POGK: variants seen among roughly 807,000 people sequenced by gnomAD.
POGK encodes pogo transposable element derived with KRAB domain, also known as pogo transposable element with KRAB domain.
In POGK, 16 loss-of-function variants were observed where a neutral mutation model predicts 54.4. The observed-to-expected ratio is 0.29, with a 90% CI of 0.20 to 0.45. The LOEUF (loss-of-function observed/expected upper bound fraction) is 0.45. POGK is among the 20% of genes least tolerant of loss of function. POGK has a pLI of 1.00. For synonymous variants in POGK, 271 were observed against 302.2 expected, an observed-to-expected ratio of 0.90 and a Z score of 1.07; for missense variants, 515 against 795.6, an observed-to-expected ratio of 0.65 and a Z score of 4.24.
Position 166,854,775 on chromosome 1 carries a change from G to C in POGK, c.*2205G>C, listed in dbSNP as rs1452380458. Reference sequence around the variant, plus strand: ...CCATAAAGGGATCTGAATTTTAAATGAAAGTATGATGAACCCGCAAGTCTT... The same window carrying C: ...CCATAAAGGGATCTGAATTTTAAATCAAAGTATGATGAACCCGCAAGTCTT... On this transcript the variant is annotated 3_prime_UTR_variant, in exon 6 of 6. Transcript: ENST00000367876. 4 of 152,208 alleles carry C rather than the reference G, an allele frequency of 2.6e-5. No individual in the cohort carries two copies. Among genetic ancestry groups the C allele is most frequent in the African/African-American group, 4.8e-5 (2 of 41,456 alleles). 9.4% of individuals were successfully genotyped at this position (152,208 alleles called of 1,614,324 possible). A position where few individuals can be genotyped will look rare whatever the true frequency, so the allele number is the denominator to read the frequency against.
chr1:166,850,770 G>A (rs890885907), intron 5 of POGK: 12 of 175,882 alleles, frequency 6.8e-5, no homozygotes, highest in Non-Finnish European at 8.3e-5. Flanking sequence ...GATCTGAGGC[G>A]GAACAGTTTC....
rs1557900013 is a variant in POGK at position 166,847,520 on chromosome 1, A to T, written c.286A>T (p.Ile96Phe). The change falls in exon 4 of 6, where the codon ATC (isoleucine) becomes TTC (phenylalanine). Residue 96 changes from isoleucine (I) to phenylalanine (F), a missense_variant. This residue lies in a region of POGK where 461 missense variants were observed against 743.5 expected (regional missense o/e 0.62). Transcript: ENST00000367876. ...LEFPFPKPDMITRLEGEEESQ... is the reference protein window; with the variant it reads ...LEFPFPKPDMFTRLEGEEESQ... ...ATTCCCATTCCCTAAGCCAGACATGATCACCCGTTTGGAAGGGGAGGAGGA... is the reference window on the plus strand; with the variant it reads ...ATTCCCATTCCCTAAGCCAGACATGTTCACCCGTTTGGAAGGGGAGGAGGA... 6.2e-7 allele frequency: 1 copy of T among 1,613,960 alleles called. No homozygotes were observed. Among genetic ancestry groups the T allele is most frequent in the Non-Finnish European group, 8.5e-7 (1 of 1,179,904 alleles).
intron 1 of POGK, chr1:166,840,488 T>A (rs1657447646): frequency 2.0e-5 from 3 of 153,486 alleles, no homozygotes. Context: ...CATGCTTAAC[T>A]GGCTTCTAGC....
In POGK at chr1:166,850,386, G is replaced by A. The variant is rs771857893; in HGVS notation, c.1807G>A (p.Glu603Lys). ...GGEPPKDCDT[E>K]SMAESN Reference sequence around the variant, plus strand: ...AGAACCACCAAAAGATTGTGACACCGAAAGCATGGCTGAGAGCAACTGAAG... The same window carrying A: ...AGAACCACCAAAAGATTGTGACACCAAAAGCATGGCTGAGAGCAACTGAAG... Residue 603 changes from glutamate (E) to lysine (K), a missense_variant, in exon 5 of 6, where the codon GAA (glutamate) becomes AAA (lysine). Physicochemically the swap from Glu to Lys is moderately conservative, Grantham distance 56 (BLOSUM62 1). Around this residue, in one of 2 missense-constraint regions of POGK, gnomAD observed 461 missense variants for 743.5 expected, o/e 0.62. Coordinates refer to ENST00000367876, the MANE Select transcript of POGK (RefSeq NM_017542.5). 6.8e-6 allele frequency: 11 copies of A among 1,610,480 alleles called. No individual in the cohort carries two copies. The highest frequency in any genetic ancestry group is 4.5e-5 in the East Asian group (2 of 44,904).
chr1:166,846,594 G>A lies in POGK; in HGVS notation c.133-18G>A. On this transcript the variant is annotated intron_variant, in intron 2 of 5. Coordinates refer to ENST00000367876, the MANE Select transcript of POGK (RefSeq NM_017542.5). Reference sequence around the variant, plus strand: ...ATATGCCTGTTTGTCATTGTGAAAGGGCTGTTCACTCTTCCAGGTACCGGC... The same window carrying A: ...ATATGCCTGTTTGTCATTGTGAAAGAGCTGTTCACTCTTCCAGGTACCGGC... The A allele has an allele frequency of 6.2e-7, 1 of 1,614,006 alleles. No individual in the cohort carries two copies. Among genetic ancestry groups the A allele is most frequent in the Non-Finnish European group, 8.5e-7 (1 of 1,179,940 alleles).
Position 166,841,077 on chromosome 1 carries a change from G to C in POGK, c.121G>C (p.Glu41Gln). The change falls in exon 2 of 6, where the codon GAG becomes CAG. Residue 41 changes from glutamate (E) to glutamine (Q), a missense_variant. This residue lies in a region of POGK where 54 missense variants were observed against 52.0 expected (regional missense o/e 1.04). Coordinates refer to ENST00000367876, the MANE Select transcript of POGK (RefSeq NM_017542.5). ...CATGCAGAAAGTACGAATCTGCTCT[G>C]AGGGCGGATGGGTAAGTAAGAAGGT... is the stretch of plus-strand genomic sequence containing the variant. ...ADMQKVRICSEGGWVPALFDE... is the reference protein window; with the variant it reads ...ADMQKVRICSQGGWVPALFDE... 1 of 1,613,854 alleles carries C rather than the reference G, an allele frequency of 6.2e-7. No homozygotes were observed. Among genetic ancestry groups the C allele is most frequent in the Non-Finnish European group, 8.5e-7 (1 of 1,179,952 alleles).
intron 1 of POGK, chr1:166,840,002 CG>C (rs1175652601): frequency 6.6e-6 from 1 of 152,208 alleles, no homozygotes; most frequent in Non-Finnish European, 1.5e-5. Flanking sequence ...GCCCCGGAGC[CG>C]GCAGGGAGAC....
In POGK at chr1:166,849,399, C is replaced by G; in HGVS notation, c.820C>G (p.Gln274Glu). The change falls in exon 5 of 6, where the codon CAG becomes GAG. Residue 274 changes from glutamine (Q) to glutamate (E), a missense_variant. Around this residue, in one of 2 missense-constraint regions of POGK, gnomAD observed 461 missense variants for 743.5 expected, o/e 0.62. Transcript: ENST00000367876. Reference protein sequence around the residue: ...QRVAEYVRYMQAKGDPITREA... With the variant: ...QRVAEYVRYMEAKGDPITREA... ...TGTGGCCGAATATGTCAGATACATGCAGGCCAAAGGGGACCCCATCACCCG... is the reference window on the plus strand; with the variant it reads ...TGTGGCCGAATATGTCAGATACATGGAGGCCAAAGGGGACCCCATCACCCG... The G allele has an allele frequency of 6.2e-7, 1 of 1,614,204 alleles. No homozygotes were observed.
At position 166,850,174 on chromosome 1, in the gene POGK, C is replaced by A; in HGVS notation, c.1595C>A (p.Ala532Glu). Residue 532 changes from alanine to glutamate, a missense_variant, in exon 5 of 6, where the codon GCG (alanine) becomes GAG (glutamate). Coordinates refer to ENST00000367876, the MANE Select transcript of POGK (RefSeq NM_017542.5). Reference sequence around the variant, plus strand: ...AACTGGCTTCTGGCTGGGAACCTGGCGCTGAGCCCAACCGGGAATGCTAAG... The same window carrying A: ...AACTGGCTTCTGGCTGGGAACCTGGAGCTGAGCCCAACCGGGAATGCTAAG... ...YSNWLLAGNLALSPTGNAKKP... is the reference protein window; with the variant it reads ...YSNWLLAGNLELSPTGNAKKP... 6.4e-7 allele frequency: 1 copy of A among 1,559,878 alleles called. No homozygotes were observed. Among genetic ancestry groups the A allele is most frequent in the South Asian group, 1.2e-5 (1 of 85,118 alleles).
chr1:166,845,940 T>C (rs1473890969), intron 2 of POGK, among the ~76,000 whole-genome samples: 1 of 152,158 alleles, frequency 6.6e-6, no homozygotes, highest in Non-Finnish European at 1.5e-5. Flanking sequence ...TGGCATCTCA[T>C]TACATATATT....
At chr1:166,845,351 C>T (rs1424219981) in intron 2 of POGK, among the ~76,000 whole-genome samples, 2 of 134,076 alleles carry the variant, frequency 1.5e-5, no homozygotes, top group African/African-American at 6.0e-5. Flanking sequence ...GAGCAAGACT[C>T]CATCTCAAAA....
chr1:166,851,193 A>G (rs1658049416), intron 5 of POGK: 1 of 152,166 alleles, frequency 6.6e-6, no homozygotes, highest in South Asian at 2.1e-4. Context: ...GGACAGTTGT[A>G]CTCACTTTTG....
At chr1:166,850,895 A>C in intron 5 of POGK, 1 of 153,698 alleles carries the variant, frequency 6.5e-6, no homozygotes, top group Non-Finnish European at 1.4e-5. Flanking sequence ...GGTATAGATA[A>C]CAGACCATTA....
In POGK at chr1:166,848,963, T is replaced by C. The variant is rs529097030; in HGVS notation, c.384T>C (p.Pro128=). 5.0e-6 allele frequency: 8 copies of C among 1,607,970 alleles called. No individual in the cohort carries two copies. The highest frequency in any genetic ancestry group is 6.8e-6 in the Non-Finnish European group (8 of 1,177,736). Residue 128 remains proline, a synonymous_variant, in exon 5 of 6, where the codon CCT becomes CCC. Coordinates refer to ENST00000367876, the MANE Select transcript of POGK (RefSeq NM_017542.5). The part of the protein sequence containing the change: ...SAENEESDVK[P]PDWPNPMNAT... ...AAAATGAAGAATCTGACGTAAAGCCTCCAGACTGGCCAAACCCAATGAATG... is the reference window on the plus strand; with the variant it reads ...AAAATGAAGAATCTGACGTAAAGCCCCCAGACTGGCCAAACCCAATGAATG...
In POGK at chr1:166,852,832, T is replaced by C. The variant is rs773263450; in HGVS notation, c.*262T>C. ...GAGACATGATCAGAAAAGAAACTGC[T>C]TCTGCCCCATTTCTTGTTTTGGAGA... is the stretch of plus-strand genomic sequence containing the variant. On this transcript the variant is annotated 3_prime_UTR_variant, in exon 6 of 6. Coordinates refer to ENST00000367876, the MANE Select transcript of POGK (RefSeq NM_017542.5). The C allele has an allele frequency of 6.6e-6, 1 of 152,234 alleles. No individual in the cohort carries two copies. Among genetic ancestry groups the C allele is most frequent in the Non-Finnish European group, 1.5e-5 (1 of 68,044 alleles). The allele number at this position is 152,234 out of a possible 1,614,324, so 9.4% of individuals were successfully genotyped here. A position where few individuals can be genotyped will look rare whatever the true frequency, so the allele number is the denominator to read the frequency against.
rs1377131732 is a variant in POGK, at chr1:166,849,587, T to G, written c.1008T>G (p.Thr336=). The part of the protein sequence containing the change: ...PVPQHLPEDL[T]EKLVTYQRSV... ...CCCAGCACCTGCCGGAAGACCTGACTGAGAAACTCGTCACTTACCAGCGCA... is the reference window on the plus strand; with the variant it reads ...CCCAGCACCTGCCGGAAGACCTGACGGAGAAACTCGTCACTTACCAGCGCA... Residue 336 remains threonine (T), a synonymous_variant, in exon 5 of 6, where the codon ACT becomes ACG. Transcript: ENST00000367876. The G allele has an allele frequency of 6.2e-7, 1 of 1,614,274 alleles. No homozygotes were observed. Among genetic ancestry groups the G allele is most frequent in the East Asian group, 2.2e-5 (1 of 44,884 alleles).
intron 4 of POGK, 151 bp downstream of exon 4, chr1:166,847,743 CAG>C: frequency 1.7e-6 from 1 of 582,614 alleles, no homozygotes; most frequent in Non-Finnish European, 3.0e-6. Context: ...AAATGTGTGA[CAG>C]TGTGTGACAG....
In POGK at chr1:166,841,046, G is replaced by A. The variant is rs1445693656; in HGVS notation, c.90G>A (p.Pro30=). ...EIQSRELEDG[P]ADMQKVRICS... Reference sequence around the variant, plus strand: ...AGAGCCGGGAACTAGAGGACGGCCCGGCAGACATGCAGAAAGTACGAATCT... The same window carrying A: ...AGAGCCGGGAACTAGAGGACGGCCCAGCAGACATGCAGAAAGTACGAATCT... Residue 30 remains proline (P), a synonymous_variant, in exon 2 of 6, where the codon CCG becomes CCA. Coordinates refer to ENST00000367876, the MANE Select transcript of POGK (RefSeq NM_017542.5). 5.6e-6 allele frequency: 9 copies of A among 1,613,912 alleles called. No individual in the cohort carries two copies. Among genetic ancestry groups the A allele is most frequent in the Non-Finnish European group, 7.6e-6 (9 of 1,180,000 alleles).
intron 2 of POGK, among the ~76,000 whole-genome samples, chr1:166,844,429 G>A (rs1300252408): frequency 1.3e-5 from 2 of 152,176 alleles, no homozygotes; most frequent in African/African-American, 2.4e-5. Context: ...GGAGTAGGGT[G>A]GAAAATTCCT....
Sources: gnomAD v4.1 joint callset for allele counts (sites outside exome capture counted in the v4.1 genomes callset) on GRCh38, gnomAD v4.1.1 for gene constraint, gnomAD v4.1.1 regional missense constraint, MANE v1.5 for transcripts, NCBI Gene and HGNC (gene_info 2026-07-23, HGNC 2026-07-21) for gene names.